MEPCE: variants seen among roughly 807,000 people sequenced by gnomAD.
The protein encoded by MEPCE is 7SK snRNA methylphosphate capping enzyme.
A neutral mutation model predicts 52.3 loss-of-function variants in MEPCE; 9 were observed. The ratio of observed to expected loss-of-function variants is 0.17; its 90% CI spans 0.10 to 0.30. The LOEUF (loss-of-function observed/expected upper bound fraction) is 0.30. Among genes scored for constraint, MEPCE ranks in the 10% least tolerant of loss-of-function variants. The probability of loss-of-function intolerance (pLI) is 1.00; values close to 1 mark genes in which losing one functional copy is unlikely to be tolerated. For synonymous variants in MEPCE, 477 were observed against 401.6 expected (o/e 1.19, Z -2.25); for missense variants, 826 against 933.0 (o/e 0.89, Z 1.49).
At position 100,433,627 on chromosome 7, in the gene MEPCE, T is replaced by C; in HGVS notation, c.*73T>C. 2 of 1,433,006 alleles carry C rather than the reference T, an allele frequency of 1.4e-6. 1 individual carries two copies. The highest frequency in any genetic ancestry group is 1.9e-6 in the Non-Finnish European group (2 of 1,031,726). The allele number at this position is 1,433,006 out of a possible 1,614,324, so 88.8% of individuals were successfully genotyped here. A position where few individuals can be genotyped will look rare whatever the true frequency, so the allele number is the denominator to read the frequency against. On this transcript the variant is annotated 3_prime_UTR_variant, in exon 4 of 4. Coordinates refer to ENST00000310512, the MANE Select transcript of MEPCE (RefSeq NM_019606.6). ...AAGGACCTGGGGGAAGAGGAAAGTGTCCCAAGGTCTTTCCTTTCTGACTCC... is the reference window on the plus strand; with the variant it reads ...AAGGACCTGGGGGAAGAGGAAAGTGCCCCAAGGTCTTTCCTTTCTGACTCC...
upstream of MEPCE, chr7:100,429,156 G>A (rs757913331): frequency 1.3e-5 from 2 of 151,988 alleles, no homozygotes; most frequent in South Asian, 2.1e-4. Flanking sequence ...GGTGGGCAGA[G>A]GGGGGGAGGT....
At chr7:100,429,246 A>T (rs1285050959), upstream of MEPCE, 1 of 152,122 alleles carries the variant, frequency 6.6e-6, no homozygotes, top group African/African-American at 2.4e-5. Context: ...GCGCTGACGC[A>T]CGCTGCGTTT....
rs865911194 is a variant in MEPCE at position 100,433,369 on chromosome 7, C to T, written c.1997C>T (p.Thr666Ile). 1.9e-6 allele frequency: 3 copies of T among 1,614,210 alleles called. No homozygotes were observed. In the Middle Eastern group the frequency reaches 4.9e-4, roughly 266 times the overall value. ...TTCTCCAGCTATGAGCTTGTGGCCACACCCCACAACACCTCTAAAGGTAAG... is the reference window on the plus strand; with the variant it reads ...TTCTCCAGCTATGAGCTTGTGGCCATACCCCACAACACCTCTAAAGGTAAG... The part of the protein sequence containing the change: ...VGFSSYELVA[T>I]PHNTSKGFQR... The change falls in exon 3 of 4, where the codon ACA becomes ATA. Residue 666 changes from threonine (T) to isoleucine (I), a missense_variant. By Grantham distance (89) the Thr-to-Ile change is moderately conservative. Around this residue, in one of 7 missense-constraint regions of MEPCE, gnomAD observed 82 missense variants for 121.4 expected, o/e 0.68. Transcript: ENST00000310512.
At chr7:100,431,752 G>A in intron 1 of MEPCE, 63 bp downstream of exon 1, 1 of 1,421,104 alleles carries the variant, frequency 7.0e-7, no homozygotes, top group East Asian at 2.5e-5. Flanking sequence ...AAATGGGAAT[G>A]TAGCAGGGAA....
Position 100,430,423 on chromosome 7 carries a change from CT to C in MEPCE, c.406del (p.Tyr136IlefsTer20). On this transcript the variant is annotated frameshift_variant, in exon 1 of 4. Coordinates refer to ENST00000310512, the MANE Select transcript of MEPCE (RefSeq NM_019606.6). LOFTEE classifies it high-confidence loss of function. ...CTGCTCCTCCTCGACCCCGCAATGGCTATCAGCCCCACCGGCCACCTGGGGG... is the reference window on the plus strand; with the variant it reads ...CTGCTCCTCCTCGACCCCGCAATGGCATCAGCCCCACCGGCCACCTGGGGG... The part of the protein sequence containing the change: ...PPAPPRPRNG[Y>X]QPHRPPGGGG... 1 of 1,554,084 alleles carries C rather than the reference CT, an allele frequency of 6.4e-7. No homozygotes were observed. The highest frequency in any genetic ancestry group is 8.7e-7 in the Non-Finnish European group (1 of 1,153,064).
chr7:100,432,877 T>C (rs573223792), intron 1 of MEPCE, 42 bp from the exon 2 acceptor site: 7 of 1,588,568 alleles, frequency 4.4e-6, no homozygotes, highest in Admixed American at 3.3e-5. Context: ...CAGGGGTTCT[T>C]TGATTCCCTC....
rs1798521855 is a variant in MEPCE at position 100,429,880 on chromosome 7, CT to C, written c.-137del. 1.4e-6 allele frequency: 1 copy of C among 701,816 alleles called. No homozygotes were observed. The highest frequency in any genetic ancestry group is 3.4e-5 in the East Asian group (1 of 29,288). 43.5% of individuals were successfully genotyped at this position (701,816 alleles called of 1,614,324 possible). On this transcript the variant is annotated 5_prime_UTR_variant, in exon 1 of 4. Coordinates refer to ENST00000310512, the MANE Select transcript of MEPCE (RefSeq NM_019606.6). ...GTAGGGCGCACTTGGCGGGGAGGCGCTTGGGCGCGAGACTAGGCGTGAAGAG... is the reference window on the plus strand; with the variant it reads ...GTAGGGCGCACTTGGCGGGGAGGCGCTGGGCGCGAGACTAGGCGTGAAGAG...
At position 100,429,991 on chromosome 7, in the gene MEPCE, C is replaced by T. The variant is rs1330186313; in HGVS notation, c.-28C>T. 1.5e-5 allele frequency: 19 copies of T among 1,243,410 alleles called. No homozygotes were observed. Among genetic ancestry groups the T allele is most frequent in the Non-Finnish European group, 1.5e-5 (15 of 993,020 alleles). The allele number at this position is 1,243,410 out of a possible 1,614,324, so 77.0% of individuals were successfully genotyped here. A position where few individuals can be genotyped will look rare whatever the true frequency, so the allele number is the denominator to read the frequency against. On this transcript the variant is annotated 5_prime_UTR_variant, in exon 1 of 4. Coordinates refer to ENST00000310512, the MANE Select transcript of MEPCE (RefSeq NM_019606.6). ...TAGGCCCCCTGATCCCCCTCGTTACCCCGACTGGCACGGAATAAGGGGAGG... is the reference window on the plus strand; with the variant it reads ...TAGGCCCCCTGATCCCCCTCGTTACTCCGACTGGCACGGAATAAGGGGAGG...
At chr7:100,433,423 C>T in intron 3 of MEPCE, 34 bp downstream of exon 3, 1 of 1,614,072 alleles carries the variant, frequency 6.2e-7, no homozygotes, top group Non-Finnish European at 8.5e-7. Flanking sequence ...GGAGGCTGGT[C>T]CTGGCTGAAA....
At position 100,431,787 on chromosome 7, in the gene MEPCE, AG is replaced by A. The variant is rs1449245417; in HGVS notation, c.1671+102del. On this transcript the variant is annotated intron_variant, in intron 1 of 3. Coordinates refer to ENST00000310512, the MANE Select transcript of MEPCE (RefSeq NM_019606.6). ...AGGTTATGACCCAGATCCTCAAAAG[AG>A]GGGTCTGGGTTGGCAAGTGAGAGCC... The A allele has an allele frequency of 7.3e-6, 9 of 1,226,096 alleles. No homozygotes were observed. In the African/African-American group the frequency reaches 1.4e-4, roughly 19 times the overall value. 76.0% of individuals were successfully genotyped at this position (1,226,096 alleles called of 1,614,324 possible). A position where few individuals can be genotyped will look rare whatever the true frequency, so the allele number is the denominator to read the frequency against.
At position 100,430,804 on chromosome 7, in the gene MEPCE, G is replaced by T. The variant is rs1798653719; in HGVS notation, c.786G>T (p.Arg262=). Residue 262 remains arginine, a synonymous_variant, in exon 1 of 4, where the codon CGG becomes CGT. Transcript: ENST00000310512. ...LASPLKTGRK[R]HRHRGQHHQQ... ...CGCCACTCAAGACTGGTCGGAAGCG[G>T]CATAGACACCGGGGACAGCACCACC... is the stretch of plus-strand genomic sequence containing the variant. 1.2e-6 allele frequency: 2 copies of T among 1,613,320 alleles called. No individual in the cohort carries two copies. Among genetic ancestry groups the T allele is most frequent in the Non-Finnish European group, 1.7e-6 (2 of 1,179,628 alleles).
upstream of MEPCE, chr7:100,428,830 C>G (rs977546567): frequency 8.5e-5 from 13 of 152,106 alleles, no homozygotes. Flanking sequence ...GAGCGGGCGT[C>G]GGGAGTGGGC....
chr7:100,430,214 G>C lies in MEPCE; in HGVS notation c.196G>C (p.Gly66Arg). ...PSAGSPAAAV[G>R]RESPGAAATS... ...TGCGGGGTCCCCAGCCGCTGCGGTCGGTCGGGAAAGCCCCGGGGCCGCGGC... is the reference window on the plus strand; with the variant it reads ...TGCGGGGTCCCCAGCCGCTGCGGTCCGTCGGGAAAGCCCCGGGGCCGCGGC... Residue 66 changes from glycine (G) to arginine (R), a missense_variant, in exon 1 of 4, where the codon GGT (glycine) becomes CGT (arginine). By Grantham distance (125) the Gly-to-Arg change is moderately radical (BLOSUM62 -2). Coordinates refer to ENST00000310512, the MANE Select transcript of MEPCE (RefSeq NM_019606.6). 1.5e-6 allele frequency: 2 copies of C among 1,310,018 alleles called. No individual in the cohort carries two copies. Among genetic ancestry groups the C allele is most frequent in the African/African-American group, 1.5e-5 (1 of 64,830 alleles). 81.1% of individuals were successfully genotyped at this position (1,310,018 alleles called of 1,614,324 possible). A position where few individuals can be genotyped will look rare whatever the true frequency, so the allele number is the denominator to read the frequency against.
At position 100,432,791 on chromosome 7, in the gene MEPCE, A is replaced by G. The variant is rs148694732; in HGVS notation, c.1672-128A>G. On this transcript the variant is annotated intron_variant, in intron 1 of 3. Transcript: ENST00000310512. ...AGAGGGCAGGCACCTTTTGGGAGTT[A>G]GTCTGAGAAGAAAGTGGCCACGGGC... 1,005 of 788,482 alleles carry G rather than the reference A, an allele frequency of 1.3e-3. 10 individuals carry two copies. Among genetic ancestry groups the G allele is most frequent in the African/African-American group, 0.013 (740 of 58,404 alleles). 48.8% of individuals were successfully genotyped at this position (788,482 alleles called of 1,614,324 possible).
intron 3 of MEPCE, 21 bp from the exon 4 acceptor site, chr7:100,433,481 G>GATC (rs1798783262): frequency 1.2e-6 from 2 of 1,614,054 alleles, no homozygotes; most frequent in East Asian, 4.5e-5. Context: ...AACCCCTTCT[G>GATC]ATCACTCTCT....
In MEPCE at chr7:100,430,340, G is replaced by A; in HGVS notation, c.322G>A (p.Ala108Thr). The part of the protein sequence containing the change: ...ARLSDPPGRA[A>T]PPDVGEERRG... ...CCTGTCGGATCCCCCGGGGCGAGCC[G>A]CTCCCCCGGACGTGGGGGAGGAGCG... Residue 108 changes from alanine (A) to threonine (T), a missense_variant, in exon 1 of 4, where the codon GCT becomes ACT. Coordinates refer to ENST00000310512, the MANE Select transcript of MEPCE (RefSeq NM_019606.6). 7.0e-7 allele frequency: 1 copy of A among 1,424,610 alleles called. No homozygotes were observed. Among genetic ancestry groups the A allele is most frequent in the Non-Finnish European group, 9.2e-7 (1 of 1,092,210 alleles). The allele number at this position is 1,424,610 out of a possible 1,614,324, so 88.2% of individuals were successfully genotyped here.
chr7:100,431,718 G>A (rs1798712338), intron 1 of MEPCE, 29 bp downstream of exon 1: 2 of 1,527,940 alleles, frequency 1.3e-6, no homozygotes, highest in South Asian at 2.4e-5. Flanking sequence ...TCTTGGAATA[G>A]GGGCCAGGTG....
In MEPCE at chr7:100,431,419, G is replaced by C. The variant is rs1457192913; in HGVS notation, c.1401G>C (p.Pro467=). ...TGAGCATTGCCTGCAAGTGGGGCCC[G>C]TCCCGCATGGTGGGCCTGGATATCG... ...LTLSIACKWG[P]SRMVGLDIDS... Residue 467 remains proline, a synonymous_variant, in exon 1 of 4, where the codon CCG becomes CCC. Transcript: ENST00000310512. The C allele has an allele frequency of 6.2e-7, 1 of 1,614,076 alleles. No homozygotes were observed. The highest frequency in any genetic ancestry group is 2.2e-5 in the East Asian group (1 of 44,888).
Position 100,429,861 on chromosome 7 carries a change from C to T in MEPCE, c.-158C>T, listed in dbSNP as rs1055674157. 1.1e-5 allele frequency: 6 copies of T among 541,550 alleles called. No homozygotes were observed. The highest frequency in any genetic ancestry group is 5.9e-5 in the African/African-American group (3 of 50,920). The allele number at this position is 541,550 out of a possible 1,614,324, so 33.5% of individuals were successfully genotyped here. On this transcript the variant is annotated 5_prime_UTR_variant, in exon 1 of 4. Transcript: ENST00000310512. ...GTTTTGGTCTCGCGGGCTAGTAGGG[C>T]GCACTTGGCGGGGAGGCGCTTGGGC...
Sources: gnomAD v4.1 joint callset for allele counts on GRCh38, gnomAD v4.1.1 for gene constraint, gnomAD v4.1.1 regional missense constraint, MANE v1.5 for transcripts, NCBI Gene and HGNC (gene_info 2026-07-23, HGNC 2026-07-21) for gene names.